The following STK3 variants were observed in gnomAD, a reference collection of about 807,000 sequenced individuals.
The protein encoded by STK3 is serine/threonine-protein kinase 3.
A neutral mutation model predicts 58.0 loss-of-function variants in STK3; 41 were observed. That is an observed-to-expected ratio of 0.71 (90% CI 0.55 to 0.92). The LOEUF is 0.92. Among genes scored for constraint, STK3 ranks in the 40% least tolerant of loss-of-function variants. The pLI, the probability that STK3 is intolerant of heterozygous loss-of-function variation, is 0.00. For missense variants in STK3, 479 were observed against 602.7 expected (o/e 0.79, Z 2.15); for synonymous variants, 170 against 191.0 (o/e 0.89, Z 0.91).
chr8:98,901,282 C>A (rs945430382), intron 1 of STK3, among the ~76,000 whole-genome samples: 1 of 152,222 alleles, frequency 6.6e-6, no homozygotes, highest in East Asian at 1.9e-4. Context: ...AGTGAGGTAA[C>A]ACTTGTAAAG....
intron 1 of STK3, among the ~76,000 whole-genome samples, chr8:98,907,603 A>G (rs937355676): frequency 6.6e-6 from 1 of 152,228 alleles, no homozygotes; most frequent in Non-Finnish European, 1.5e-5. Context: ...TCCTTCCTGA[A>G]TTGTTTTTAA....
intron 1 of STK3, among the ~76,000 whole-genome samples, chr8:98,917,514 G>A (rs1429826659): frequency 2.6e-5 from 4 of 152,144 alleles, no homozygotes; most frequent in African/African-American, 7.2e-5. Flanking sequence ...AGGATGGACC[G>A]CTTAAGAACG....
chr8:98,501,500 A>G (rs1823593436), intron 10 of STK3, among the ~76,000 whole-genome samples: 1 of 152,148 alleles, frequency 6.6e-6, no homozygotes, highest in South Asian at 2.1e-4. Context: ...CCTGAATGGT[A>G]TTGCCTAGGT....
chr8:98,477,464 T>C (rs897579119), intron 10 of STK3, among the ~76,000 whole-genome samples: 2 of 151,796 alleles, frequency 1.3e-5, no homozygotes, highest in Non-Finnish European at 2.9e-5. Flanking sequence ...CTAGCAGCCA[T>C]GGTGCACCCT....
intron 6 of STK3, among the ~76,000 whole-genome samples, chr8:98,636,946 T>G (rs1480835610): frequency 6.6e-6 from 1 of 152,118 alleles, no homozygotes; most frequent in African/African-American, 2.4e-5. Context: ...TAAAATAATA[T>G]GCCAAGTTCC....
intron 2 of STK3, among the ~76,000 whole-genome samples, chr8:98,373,318 T>C (rs964759685): frequency 6.6e-6 from 1 of 152,238 alleles, no homozygotes; most frequent in African/African-American, 2.4e-5. Context: ...TAGATCCACA[T>C]TCTTTTCCAT....
chr8:98,711,710 G>A (rs998405367), intron 4 of STK3, among the ~76,000 whole-genome samples: 16 of 152,194 alleles, frequency 1.1e-4, no homozygotes, highest in South Asian at 2.1e-4. Flanking sequence ...AAAACACTCC[G>A]CAGGATATCA....
chr8:98,499,567 C>T (rs1823410227), intron 10 of STK3, among the ~76,000 whole-genome samples: 1 of 152,160 alleles, frequency 6.6e-6, no homozygotes, highest in Non-Finnish European at 1.5e-5. Flanking sequence ...CTGGTAACAG[C>T]TCAGAAGAAA....
chr8:98,636,156 A>T (rs1023102163), intron 6 of STK3, among the ~76,000 whole-genome samples: 1 of 152,150 alleles, frequency 6.6e-6, no homozygotes, highest in African/African-American at 2.4e-5. Context: ...TTCAATCCTC[A>T]TAACAACTCC....
At chr8:98,919,788 G>T (rs938895051) in intron 1 of STK3, among the ~76,000 whole-genome samples, 1 of 151,082 alleles carries the variant, frequency 6.6e-6, no homozygotes, top group African/African-American at 2.4e-5. Context: ...TGATAAAAAA[G>T]CTAAGAAAAG....
chr8:98,928,413 C>CAATT (rs1839884129), intron 1 of STK3, among the ~76,000 whole-genome samples: 1 of 152,208 alleles, frequency 6.6e-6, no homozygotes. Flanking sequence ...AAAAACAAGA[C>CAATT]AATTGCAAAG....
At chr8:98,453,080 G>GTTTTTT (rs919288019), downstream of STK3, among the ~76,000 whole-genome samples, 3 of 39,680 alleles carry the variant, frequency 7.6e-5, no homozygotes, top group Non-Finnish European at 1.4e-4. Context: ...TTTCTTTCTT[G>GTTTTTT]TTTTTTTTTT....
At chr8:98,365,995 A>T in the STK3 span, among the ~76,000 whole-genome samples, 1 of 152,132 alleles carries the variant, frequency 6.6e-6, no homozygotes, top group African/African-American at 2.4e-5. Context: ...TAAAACATGT[A>T]CAGGAATTTC....
chr8:98,765,012 C>T (rs1315915287), intron 3 of STK3, among the ~76,000 whole-genome samples: 1 of 152,102 alleles, frequency 6.6e-6, no homozygotes, highest in Admixed American at 6.6e-5. Context: ...AGGAGGCAAA[C>T]AAAGTGAACA....
chr8:98,550,869 C>T (rs745799132), intron 8 of STK3, among the ~76,000 whole-genome samples: 4 of 152,148 alleles, frequency 2.6e-5, no homozygotes, highest in South Asian at 2.1e-4. Flanking sequence ...TCAAAGTACA[C>T]GGCATTATAC....
At chr8:98,686,818 G>A (rs1824034788) in intron 6 of STK3, among the ~76,000 whole-genome samples, 1 of 151,870 alleles carries the variant, frequency 6.6e-6, no homozygotes, top group African/African-American at 2.4e-5. Context: ...ACTAAACCAA[G>A]CAAAAGAAAG....
chr8:98,718,415 G>A (rs1827177551), intron 4 of STK3, among the ~76,000 whole-genome samples: 1 of 152,100 alleles, frequency 6.6e-6, no homozygotes, highest in Non-Finnish European at 1.5e-5. Flanking sequence ...TGGATTATCT[G>A]AAAATTCCGG....
chr8:98,441,972 C>T (rs1239388172), intron 1 of STK3, among the ~76,000 whole-genome samples: 1 of 152,162 alleles, frequency 6.6e-6, no homozygotes, highest in Non-Finnish European at 1.5e-5. Context: ...ATCCCATAGC[C>T]ATCTAAAATT....
intron 3 of STK3, among the ~76,000 whole-genome samples, chr8:98,757,014 T>A (rs534139223): frequency 5.9e-5 from 9 of 152,052 alleles, no homozygotes; most frequent in African/African-American, 2.2e-4. Flanking sequence ...TCTTGTCCAC[T>A]TCTTCCCCCC....
Sources: gnomAD v4.1 joint callset for allele counts (sites outside exome capture counted in the v4.1 genomes callset) on GRCh38, gnomAD v4.1.1 for gene constraint, MANE v1.5 for transcripts, NCBI Gene and HGNC (gene_info 2026-07-23, HGNC 2026-07-21) for gene names.